VPS13B: variants seen among roughly 807,000 people sequenced by gnomAD.
The protein encoded by VPS13B is vacuolar protein sorting 13 homolog B.
VPS13B carries 285 observed loss-of-function variants against 426.4 expected under a neutral mutation model. The ratio of observed to expected loss-of-function variants is 0.67; its 90% confidence interval spans 0.61 to 0.74. VPS13B has a LOEUF of 0.74. Among genes scored for constraint, VPS13B ranks in the 30% least tolerant of loss-of-function variants. VPS13B has a pLI of 0.00. For missense variants in VPS13B, 4,537 were observed against 4,782.6 expected (o/e 0.95, Z 1.51); for synonymous variants, 1,676 against 1,676.4 (o/e 1.00, Z 0.01).
intron 33 of VPS13B, among the ~76,000 whole-genome samples, chr8:99,580,803 G>A (rs1009633969): frequency 1.3e-5 from 2 of 152,002 alleles, no homozygotes; most frequent in African/African-American, 4.8e-5. Flanking sequence ...AGTGAGGTGT[G>A]ATGGTGCCAC....
intron 3 of VPS13B, among the ~76,000 whole-genome samples, chr8:99,076,309 G>C (rs892106540): frequency 3.3e-5 from 5 of 152,164 alleles, no homozygotes; most frequent in Admixed American, 3.3e-4. Flanking sequence ...TTTATGTGCT[G>C]ATGAGTCGAA....
intron 17 of VPS13B, among the ~76,000 whole-genome samples, chr8:99,250,353 AAG>A (rs1817438270): frequency 6.6e-6 from 1 of 152,062 alleles, no homozygotes; most frequent in African/African-American, 2.4e-5. Flanking sequence ...TGCAAAGTAA[AAG>A]TTTATAATTT....
chr8:99,065,827 T>C (rs1333045247), intron 3 of VPS13B, among the ~76,000 whole-genome samples: 3 of 152,178 alleles, frequency 2.0e-5, no homozygotes, highest in African/African-American at 7.2e-5. Flanking sequence ...ACAAAATCAA[T>C]GTGCAAAAAT....
chr8:99,470,762 T>G (rs923656547), intron 24 of VPS13B, among the ~76,000 whole-genome samples: 3 of 148,146 alleles, frequency 2.0e-5, no homozygotes, highest in Non-Finnish European at 3.0e-5. Context: ...ACTTTGCAAA[T>G]TTGGGGAAAG....
intron 39 of VPS13B, among the ~76,000 whole-genome samples, chr8:99,731,766 A>C (rs1012657984): frequency 6.6e-6 from 1 of 152,218 alleles, no homozygotes; most frequent in Non-Finnish European, 1.5e-5. Flanking sequence ...AGAGAAGTCA[A>C]GGTAATTGCA....
intron 16 of VPS13B, among the ~76,000 whole-genome samples, chr8:99,191,671 C>T (rs1384144708): frequency 3.9e-5 from 6 of 151,924 alleles, no homozygotes; most frequent in Non-Finnish European, 8.8e-5. Flanking sequence ...TGTGAGCCAC[C>T]GCGCTGGGCC....
chr8:99,362,358 GGT>G (rs2133240200), intron 19 of VPS13B, among the ~76,000 whole-genome samples: 1 of 151,928 alleles, frequency 6.6e-6, no homozygotes, highest in South Asian at 2.1e-4. Flanking sequence ...TAGCCAGGAT[GGT>G]CTTGATCTCC....
chr8:99,058,798 T>C (rs1844025350), intron 3 of VPS13B, among the ~76,000 whole-genome samples: 1 of 152,138 alleles, frequency 6.6e-6, no homozygotes, highest in Non-Finnish European at 1.5e-5. Context: ...AAGGAGGATA[T>C]ACAGAGGAAG....
chr8:99,558,314 T>G lies in VPS13B; in HGVS notation c.4949+1661T>G, dbSNP rs530634150. Among the ~76,000 whole-genome samples the G allele has an allele frequency of 9.3e-4, 142 of 152,306 alleles. 1 individual carries two copies. Among genetic ancestry groups the G allele is most frequent in the African/African-American group, 2.9e-3 (120 of 41,566 alleles). Reference sequence around the variant, plus strand: ...TTTGTACTCCTTAGGTCTTTATATGTGATCTTCTCTGTACCTGTAACTGTC... The same window carrying G: ...TTTGTACTCCTTAGGTCTTTATATGGGATCTTCTCTGTACCTGTAACTGTC... On this transcript the variant is annotated intron_variant, in intron 31 of 61. Coordinates refer to ENST00000357162, the MANE Select transcript of VPS13B (RefSeq NM_152564.5).
chr8:99,360,468 G>A (rs963499651), intron 19 of VPS13B, among the ~76,000 whole-genome samples: 3 of 151,312 alleles, frequency 2.0e-5, no homozygotes, highest in African/African-American at 4.9e-5. Flanking sequence ...TAGTAGAGAC[G>A]GGGTTTCACC....
At chr8:99,452,767 GA>G (rs1295553402) in intron 23 of VPS13B, among the ~76,000 whole-genome samples, 7 of 152,180 alleles carry the variant, frequency 4.6e-5, no homozygotes, top group Admixed American at 2.0e-4. Context: ...AGTTCAAAAT[GA>G]GGAACTGTTT....
chr8:99,134,972 T>C, intron 9 of VPS13B, 43 bp from the exon 10 acceptor site: 1 of 1,611,010 alleles, frequency 6.2e-7, no homozygotes, highest in South Asian at 1.1e-5. Flanking sequence ...AACATTTTTA[T>C]TAAATTCAAT....
chr8:99,386,846 A>G (rs1292647578), intron 20 of VPS13B, among the ~76,000 whole-genome samples: 2 of 152,064 alleles, frequency 1.3e-5, no homozygotes, highest in African/African-American at 4.8e-5. Context: ...GTGCAGGCCT[A>G]TAGTCCCAGC....
In VPS13B at chr8:99,641,911, A is replaced by G. The variant is rs762906018; in HGVS notation, c.5321A>G (p.Asp1774Gly). The G allele has an allele frequency of 6.2e-7, 1 of 1,614,136 alleles. No individual in the cohort carries two copies. The highest frequency in any genetic ancestry group is 8.5e-7 in the Non-Finnish European group (1 of 1,180,010). The change falls in exon 34 of 62, where the codon GAC becomes GGC. Residue 1774 changes from aspartate to glycine, a missense_variant. Around this residue, in one of 2 missense-constraint regions of VPS13B, gnomAD observed 4,311 missense variants for 4,474.3 expected, o/e 0.96. Transcript: ENST00000357162. Reference sequence around the variant, plus strand: ...GCTCAGGATAGTGGAATTGGCAGTGACAGTGTTAAAATCAGAATAGTGCAA... The same window carrying G: ...GCTCAGGATAGTGGAATTGGCAGTGGCAGTGTTAAAATCAGAATAGTGCAA... The part of the protein sequence containing the change: ...SGAQDSGIGS[D>G]SVKIRIVQIE...
intron 19 of VPS13B, among the ~76,000 whole-genome samples, chr8:99,321,011 G>A (rs544332576): frequency 3.0e-4 from 45 of 152,126 alleles, no homozygotes; most frequent in African/African-American, 1.1e-3. Flanking sequence ...ACCAACAATT[G>A]TCTTTTTAAA....
At chr8:99,615,729 C>T (rs1485911909) in intron 33 of VPS13B, among the ~76,000 whole-genome samples, 1 of 152,062 alleles carries the variant, frequency 6.6e-6, no homozygotes, top group Non-Finnish European at 1.5e-5. Context: ...GGTCAAGTCA[C>T]TTTACCTCTC....
At chr8:99,256,812 C>A (rs192503653) in intron 17 of VPS13B, among the ~76,000 whole-genome samples, 21 of 152,192 alleles carry the variant, frequency 1.4e-4, no homozygotes, top group African/African-American at 4.3e-4. Flanking sequence ...AAGTGATTTG[C>A]AGATATTTTC....
At chr8:99,255,001 TC>T (rs1266614204) in intron 17 of VPS13B, among the ~76,000 whole-genome samples, 28 of 152,160 alleles carry the variant, frequency 1.8e-4, no homozygotes, top group Admixed American at 6.5e-5. Context: ...GAAAGGTAGA[TC>T]TTTTATCTAA....
At chr8:99,760,342 G>A (rs184362585) in intron 39 of VPS13B, among the ~76,000 whole-genome samples, 1 of 152,206 alleles carries the variant, frequency 6.6e-6, no homozygotes, top group African/African-American at 2.4e-5. Flanking sequence ...ATACAAATTT[G>A]ACATCACTTC....
Sources: gnomAD v4.1 joint callset for allele counts (sites outside exome capture counted in the v4.1 genomes callset) on GRCh38, gnomAD v4.1.1 for gene constraint, gnomAD v4.1.1 regional missense constraint, MANE v1.5 for transcripts, NCBI Gene and HGNC (gene_info 2026-07-23, HGNC 2026-07-21) for gene names.